ADGRL3: variants seen among roughly 807,000 people sequenced by gnomAD.
ADGRL3 encodes the protein calcium-independent alpha-latrotoxin receptor 3.
In ADGRL3, 62 loss-of-function variants were observed where a neutral mutation model predicts 153.5. That is an observed-to-expected ratio of 0.40 (90% CI 0.33 to 0.50). The LOEUF is 0.50. Ranked by LOEUF, ADGRL3 falls within the 20% of genes least tolerant of loss-of-function variation. The pLI is 0.47. For synonymous variants in ADGRL3, 710 were observed against 672.5 expected, an observed-to-expected ratio of 1.06 and a Z score of -0.86; for missense variants, 1,641 against 1,859.4, an observed-to-expected ratio of 0.88 and a Z score of 2.16.
chr4:61,444,185 T>C (rs560368111), intron 2 of ADGRL3, among the ~76,000 whole-genome samples: 1 of 152,332 alleles, frequency 6.6e-6, no homozygotes, highest in East Asian at 1.9e-4. Flanking sequence ...TTTTCTTCAC[T>C]TGATGTATTT....
chr4:61,980,833 C>T (rs868579775), intron 18 of ADGRL3, among the ~76,000 whole-genome samples: 29 of 152,058 alleles, frequency 1.9e-4, no homozygotes, highest in South Asian at 8.3e-4. Context: ...AATAATATCC[C>T]GTTGTCTGAT....
At chr4:61,836,989 A>G (rs1346677109) in intron 9 of ADGRL3, among the ~76,000 whole-genome samples, 2 of 152,144 alleles carry the variant, frequency 1.3e-5, no homozygotes, top group Non-Finnish European at 2.9e-5. Flanking sequence ...TAAACCTGGT[A>G]CATTGGTGTT....
At chr4:61,906,094 A>G (rs559004571) in intron 11 of ADGRL3, among the ~76,000 whole-genome samples, 9 of 151,820 alleles carry the variant, frequency 5.9e-5, no homozygotes, top group African/African-American at 2.2e-4. Flanking sequence ...TAAATAAACA[A>G]AAATATTGTA....
At chr4:61,748,803 A>G (rs2096710226) in intron 8 of ADGRL3, among the ~76,000 whole-genome samples, 1 of 152,016 alleles carries the variant, frequency 6.6e-6, no homozygotes, top group African/African-American at 2.4e-5. Context: ...GGCATGGGCA[A>G]GGACTTCATG....
At position 61,348,364 on chromosome 4, in the gene ADGRL3, TCA is replaced by T. The variant is rs560523234; in HGVS notation, c.-239-34757_-239-34756del. On this transcript the variant is annotated intron_variant, in intron 1 of 26. Coordinates refer to ENST00000683033, the MANE Select transcript of ADGRL3 (RefSeq NM_001387552.1). Reference sequence around the variant, plus strand: ...TCTTTGTCTTTATTTAAGAAAAAAATCACAGTGTGCTTTTTTAACATTCTGTA... The same window carrying T: ...TCTTTGTCTTTATTTAAGAAAAAAATCAGTGTGCTTTTTTAACATTCTGTA... Among the ~76,000 whole-genome samples, 335 of 152,120 alleles carry T rather than the reference TCA, an allele frequency of 2.2e-3. 1 individual carries two copies. The highest frequency in any genetic ancestry group is 5.9e-3 in the African/African-American group (244 of 41,558).
At chr4:61,393,447 G>A (rs998558518) in intron 2 of ADGRL3, among the ~76,000 whole-genome samples, 1 of 152,022 alleles carries the variant, frequency 6.6e-6, no homozygotes, top group African/African-American at 2.4e-5. Flanking sequence ...TTTAGATTAA[G>A]CAAATACAAG....
At chr4:61,908,965 A>G (rs538099706) in intron 11 of ADGRL3, among the ~76,000 whole-genome samples, 4 of 152,306 alleles carry the variant, frequency 2.6e-5, no homozygotes, top group Non-Finnish European at 5.9e-5. Context: ...ATGTACTTGA[A>G]AAAATCAGCA....
intron 6 of ADGRL3, among the ~76,000 whole-genome samples, chr4:61,714,729 A>G (rs568341942): frequency 6.6e-6 from 1 of 152,090 alleles, no homozygotes; most frequent in African/African-American, 2.4e-5. Flanking sequence ...TTTCTCAGGG[A>G]TCTTGACAGA....
chr4:61,767,449 C>T (rs1227116408), intron 8 of ADGRL3, among the ~76,000 whole-genome samples: 13 of 151,942 alleles, frequency 8.6e-5, no homozygotes, highest in Non-Finnish European at 1.3e-4. Context: ...GAGTGAGTAG[C>T]CTCCGTATTG....
chr4:61,809,934 C>T lies in ADGRL3; in HGVS notation c.1400-3875C>T, dbSNP rs546827627. On this transcript the variant is annotated intron_variant, in intron 8 of 26. Transcript: ENST00000683033. The stretch of plus-strand genomic sequence containing the variant: ...CTTATGAGGTCAGTGTTGTTATAAT[C>T]CTCATTAAACAAACGAGGAATTTAA... Among the ~76,000 whole-genome samples, 5 of 152,122 alleles carry T rather than the reference C, an allele frequency of 3.3e-5. No homozygotes were observed. In the South Asian group the frequency reaches 8.3e-4, roughly 25 times the overall value.
intron 3 of ADGRL3, among the ~76,000 whole-genome samples, chr4:61,514,394 T>C (rs2098480388): frequency 6.6e-6 from 1 of 152,220 alleles, no homozygotes; most frequent in Non-Finnish European, 1.5e-5. Context: ...ATAAGTGTGC[T>C]GTTTATCTTG....
chr4:61,462,990 C>T (rs999224557), intron 2 of ADGRL3, among the ~76,000 whole-genome samples: 1 of 152,026 alleles, frequency 6.6e-6, no homozygotes, highest in African/African-American at 2.4e-5. Context: ...AAATAAAAGA[C>T]CAGTTACAGA....
chr4:61,947,447 G>T (rs1216175768), intron 16 of ADGRL3, among the ~76,000 whole-genome samples: 1 of 152,040 alleles, frequency 6.6e-6, no homozygotes. Flanking sequence ...GCTGTATTTG[G>T]GATTCATGTG....
intron 24 of ADGRL3, among the ~76,000 whole-genome samples, chr4:62,040,399 C>T (rs1259882127): frequency 6.6e-6 from 1 of 151,862 alleles, no homozygotes; most frequent in Non-Finnish European, 1.5e-5. Context: ...CTATGACCAG[C>T]CAAGCCTATG....
At position 61,204,906 on chromosome 4, in the gene ADGRL3, T is replaced by A. The variant is rs1437266513; in HGVS notation, c.-240+3141T>A. Reference sequence around the variant, plus strand: ...AGACTGAGAGTGCTCCTCAAAAATATGAATGGAAAGTCTTTCAGAAATGAT... The same window carrying A: ...AGACTGAGAGTGCTCCTCAAAAATAAGAATGGAAAGTCTTTCAGAAATGAT... On this transcript the variant is annotated intron_variant, in intron 1 of 26. Coordinates refer to ENST00000683033, the MANE Select transcript of ADGRL3 (RefSeq NM_001387552.1). 3.9e-5 allele frequency among the ~76,000 whole-genome samples: 6 copies of A among 152,194 alleles called. No homozygotes were observed. The South Asian group carries it at 1.2e-3, about 32-fold the overall frequency.
chr4:61,916,347 C>A (rs2149903813), intron 13 of ADGRL3, among the ~76,000 whole-genome samples: 1 of 152,080 alleles, frequency 6.6e-6, no homozygotes, highest in South Asian at 2.1e-4. Flanking sequence ...ATATTACTTC[C>A]ATATCTTAGA....
At chr4:61,835,103 T>C (rs1290964890) in intron 9 of ADGRL3, among the ~76,000 whole-genome samples, 1 of 152,172 alleles carries the variant, frequency 6.6e-6, no homozygotes. Flanking sequence ...AAAGTAATTT[T>C]TGATAACCCC....
At chr4:61,865,994 A>ATGT (rs2098396484) in intron 9 of ADGRL3, among the ~76,000 whole-genome samples, 1 of 152,194 alleles carries the variant, frequency 6.6e-6, no homozygotes, top group Admixed American at 6.5e-5. Context: ...TGAATGATGC[A>ATGT]TGTTCTTCCA....
At chr4:61,363,068 A>C (rs796602379) in intron 1 of ADGRL3, among the ~76,000 whole-genome samples, 17 of 152,332 alleles carry the variant, frequency 1.1e-4, no homozygotes, top group African/African-American at 3.8e-4. Context: ...TTATTGATAC[A>C]GCTGTCTAGC....
Sources: gnomAD v4.1 joint callset for allele counts (sites outside exome capture counted in the v4.1 genomes callset) on GRCh38, gnomAD v4.1.1 for gene constraint, MANE v1.5 for transcripts, NCBI Gene and HGNC (gene_info 2026-07-23, HGNC 2026-07-21) for gene names.